The following LTBP1 variants were observed in gnomAD, a reference collection of about 807,000 sequenced individuals.
LTBP1 encodes the protein latent transforming growth factor beta binding protein 1.
A neutral mutation model predicts 207.6 loss-of-function variants in LTBP1; 129 were observed. The observed-to-expected ratio is 0.62, with a 90% CI of 0.54 to 0.72. LTBP1 has a LOEUF of 0.72. Among genes scored for constraint, LTBP1 ranks in the 30% least tolerant of loss-of-function variants. LTBP1 has a pLI of 0.00. For missense variants in LTBP1, 2,281 were observed against 2,217.2 expected (o/e 1.03, Z -0.58); for synonymous variants, 963 against 833.7 (o/e 1.16, Z -2.67).
intron 31 of LTBP1, among the ~76,000 whole-genome samples, chr2:33,372,022 A>G (rs1400499365): frequency 1.3e-5 from 2 of 152,332 alleles, no homozygotes; most frequent in African/African-American, 4.8e-5. Context: ...GATCGTATAT[A>G]TAAGGTTGAG....
chr2:33,232,653 A>T (rs80106834), intron 9 of LTBP1, among the ~76,000 whole-genome samples: 2,648 of 152,294 alleles, frequency 0.017, 36 homozygotes, highest in Middle Eastern at 0.085. Flanking sequence ...TGAATTTCAG[A>T]TAAACAACAA....
At chr2:33,209,950 C>G (rs958741719) in intron 7 of LTBP1, among the ~76,000 whole-genome samples, 7 of 152,128 alleles carry the variant, frequency 4.6e-5, no homozygotes, top group Non-Finnish European at 1.0e-4. Flanking sequence ...GGCAGAGAGA[C>G]GTTGAGAGTT....
chr2:33,229,991 G>A (rs1195347609), intron 9 of LTBP1, among the ~76,000 whole-genome samples: 1 of 152,192 alleles, frequency 6.6e-6, no homozygotes, highest in African/African-American at 2.4e-5. Context: ...ACTATTGAGA[G>A]AAGGGCTTAA....
intron 7 of LTBP1, among the ~76,000 whole-genome samples, chr2:33,209,012 C>T (rs966917113): frequency 3.3e-5 from 5 of 151,816 alleles, no homozygotes; most frequent in African/African-American, 9.7e-5. Context: ...GGATTACAGG[C>T]GCCCGCCACC....
intron 2 of LTBP1, among the ~76,000 whole-genome samples, chr2:32,972,676 G>C (rs1165998784): frequency 1.3e-5 from 2 of 152,106 alleles, no homozygotes; most frequent in African/African-American, 4.8e-5. Flanking sequence ...TGGATCATGG[G>C]GATGGTTTCT....
In LTBP1 at chr2:33,243,597, T is replaced by C. The variant is rs554023509; in HGVS notation, c.1877-65T>C. ...ATAGTGAAAAAGGAAGTGAATGCAATGTATAGCCAGAATCTGCTCAATGGG... is the reference window on the plus strand; with the variant it reads ...ATAGTGAAAAAGGAAGTGAATGCAACGTATAGCCAGAATCTGCTCAATGGG... On this transcript the variant is annotated intron_variant, in intron 9 of 33. Transcript: ENST00000404816. 30 of 1,519,878 alleles carry C rather than the reference T, an allele frequency of 2.0e-5. No individual in the cohort carries two copies. The South Asian group carries it at 3.3e-4, about 16-fold the overall frequency. The allele number at this position is 1,519,878 out of a possible 1,614,324, so 94.1% of individuals were successfully genotyped here. A position where few individuals can be genotyped will look rare whatever the true frequency, so the allele number is the denominator to read the frequency against.
chr2:33,326,511 A>G (rs73925689), intron 24 of LTBP1, among the ~76,000 whole-genome samples: 23,100 of 151,914 alleles, frequency 0.15, 3,455 homozygotes, highest in African/African-American at 0.38. Flanking sequence ...AAAAAAAACA[A>G]TCTAAACTGA....
At chr2:33,144,252 T>C (rs1289904497) in intron 5 of LTBP1, among the ~76,000 whole-genome samples, 1 of 152,168 alleles carries the variant, frequency 6.6e-6, no homozygotes, top group East Asian at 1.9e-4. Flanking sequence ...ACCCCTTCAC[T>C]TTGGTGCTCC....
At chr2:33,359,032 A>G (rs570650829) in intron 26 of LTBP1, among the ~76,000 whole-genome samples, 1 of 152,322 alleles carries the variant, frequency 6.6e-6, no homozygotes, top group Admixed American at 6.5e-5. Flanking sequence ...AAATGATTTA[A>G]AACCACTTCG....
intron 7 of LTBP1, among the ~76,000 whole-genome samples, chr2:33,195,069 C>T (rs1351725191): frequency 6.6e-6 from 1 of 152,176 alleles, no homozygotes; most frequent in Non-Finnish European, 1.5e-5. Flanking sequence ...TAAAAGATTC[C>T]TTTCAAAATA....
intron 15 of LTBP1, among the ~76,000 whole-genome samples, chr2:33,266,947 G>T (rs2093199021): frequency 6.6e-6 from 1 of 152,238 alleles, no homozygotes. Context: ...AAGGGAAGAA[G>T]AGCTGTGGCC....
rs528656341 is a variant in LTBP1, at chr2:33,175,433, G to A, written c.1202-11423G>A. ...CATCATCACTGGCCATCAGAGAAAT[G>A]CAAATCAAAACCACAATGAGATACC... is the stretch of plus-strand genomic sequence containing the variant. On this transcript the variant is annotated intron_variant, in intron 5 of 33. Transcript: ENST00000404816. Among the ~76,000 whole-genome samples the A allele has an allele frequency of 3.9e-3, 592 of 152,124 alleles. 1 individual carries two copies. The highest frequency in any genetic ancestry group is 9.0e-3 in the Admixed American group (138 of 15,270).
intron 15 of LTBP1, among the ~76,000 whole-genome samples, chr2:33,270,172 G>A (rs751433575): frequency 5.9e-5 from 9 of 151,678 alleles, no homozygotes; most frequent in East Asian, 2.0e-4. Flanking sequence ...CTCCCTTCTC[G>A]GCCTCCCAAA....
chr2:33,132,905 A>G (rs2081900672), intron 4 of LTBP1, among the ~76,000 whole-genome samples: 1 of 152,202 alleles, frequency 6.6e-6, no homozygotes, highest in South Asian at 2.1e-4. Flanking sequence ...AAGAGGCATT[A>G]GATTGTGAGG....
rs148207928 is a variant in LTBP1, at chr2:32,990,271, A to G, written c.566-30638A>G. ...ACTCTCTTGTCTACTGGATATCGTC[A>G]TGGTCTCTGGGCATTTTGCAGGACT... On this transcript the variant is annotated intron_variant, in intron 2 of 33. Transcript: ENST00000404816. Among the ~76,000 whole-genome samples the G allele has an allele frequency of 5.7e-3, 865 of 152,302 alleles. 7 individuals carry two copies. Among genetic ancestry groups the G allele is most frequent in the African/African-American group, 0.019 (796 of 41,554 alleles).
chr2:33,241,596 C>A (rs2092324916), intron 9 of LTBP1, among the ~76,000 whole-genome samples: 1 of 152,174 alleles, frequency 6.6e-6, no homozygotes, highest in African/African-American at 2.4e-5. Flanking sequence ...TCAATCTTAT[C>A]ATGGAATGTG....
intron 5 of LTBP1, among the ~76,000 whole-genome samples, chr2:33,160,883 G>A (rs1428662293): frequency 6.6e-6 from 1 of 152,148 alleles, no homozygotes; most frequent in Non-Finnish European, 1.5e-5. Context: ...TTAGAGGAGA[G>A]GAGAGTGCAG....
At chr2:33,055,791 G>C (rs747244695) in intron 3 of LTBP1, among the ~76,000 whole-genome samples, 7 of 152,120 alleles carry the variant, frequency 4.6e-5, no homozygotes, top group Non-Finnish European at 8.8e-5. Context: ...CATGTACCTG[G>C]GTAGGGCCAA....
At chr2:33,196,127 T>C (rs1456432554) in intron 7 of LTBP1, among the ~76,000 whole-genome samples, 1 of 152,156 alleles carries the variant, frequency 6.6e-6, no homozygotes, top group African/African-American at 2.4e-5. Context: ...GTCGCTTTAT[T>C]GTGATAATAA....
Sources: gnomAD v4.1 joint callset for allele counts (sites outside exome capture counted in the v4.1 genomes callset) on GRCh38, gnomAD v4.1.1 for gene constraint, MANE v1.5 for transcripts, NCBI Gene and HGNC (gene_info 2026-07-23, HGNC 2026-07-21) for gene names.